The following SLIT3 variants were observed in gnomAD, a reference collection of about 807,000 sequenced individuals.
The protein encoded by SLIT3 is slit homolog 3 protein.
In SLIT3, 68 loss-of-function variants were observed where a neutral mutation model predicts 184.0. The observed-to-expected ratio is 0.37, with a 90% confidence interval of 0.30 to 0.45. The LOEUF (loss-of-function observed/expected upper bound fraction) is 0.45, where lower values mean the gene tolerates loss of function less well. Among genes scored for constraint, SLIT3 ranks in the 20% least tolerant of loss-of-function variants. The pLI, the probability that SLIT3 is intolerant of heterozygous loss-of-function variation, is 1.00. For synonymous variants in SLIT3, 831 were observed against 828.6 expected (o/e 1.00, Z -0.05); for missense variants, 1,707 against 2,026.0 (o/e 0.84, Z 3.02).
chr5:168,784,684 A>G (rs543264043), intron 12 of SLIT3, among the ~76,000 whole-genome samples: 2 of 152,174 alleles, frequency 1.3e-5, no homozygotes, highest in African/African-American at 2.4e-5. Context: ...CTGGGCATCA[A>G]CCACATAAGA....
At chr5:169,102,827 C>T (rs942022957) in intron 4 of SLIT3, among the ~76,000 whole-genome samples, 1 of 152,206 alleles carries the variant, frequency 6.6e-6, no homozygotes, top group Non-Finnish European at 1.5e-5. Flanking sequence ...GAAACATCCT[C>T]ACAGAAGCAC....
intron 1 of SLIT3, among the ~76,000 whole-genome samples, chr5:169,298,977 TTATAGGTA>T (rs1767596939): frequency 1.3e-5 from 2 of 152,196 alleles, no homozygotes; most frequent in African/African-American, 4.8e-5. Context: ...AGTTTACAAG[TTATAGGTA>T]TCTAAAAATA....
chr5:169,115,111 T>A (rs1020308909), intron 4 of SLIT3, among the ~76,000 whole-genome samples: 50 of 152,208 alleles, frequency 3.3e-4, no homozygotes, highest in African/African-American at 1.2e-3. Flanking sequence ...CCCATCCAAC[T>A]CAGCCACTTG....
At chr5:169,016,960 G>A (rs1270626683) in intron 4 of SLIT3, among the ~76,000 whole-genome samples, 1 of 152,170 alleles carries the variant, frequency 6.6e-6, no homozygotes, top group Admixed American at 6.5e-5. Flanking sequence ...CAGAGCAAGA[G>A]TGGGGTTTGA....
intron 4 of SLIT3, among the ~76,000 whole-genome samples, chr5:168,962,462 A>G (rs571882755): frequency 1.3e-5 from 2 of 152,078 alleles, no homozygotes; most frequent in South Asian, 4.1e-4. Flanking sequence ...ATATAACCAG[A>G]CCATGTGTTT....
chr5:168,765,209 T>G (rs958698048), intron 14 of SLIT3, among the ~76,000 whole-genome samples: 11 of 152,216 alleles, frequency 7.2e-5, no homozygotes, highest in African/African-American at 2.2e-4. Flanking sequence ...AAATGCATTT[T>G]CATTTTAATC....
At chr5:168,873,521 C>T (rs1490725035) in intron 5 of SLIT3, among the ~76,000 whole-genome samples, 2 of 151,788 alleles carry the variant, frequency 1.3e-5, no homozygotes, top group African/African-American at 4.8e-5. Flanking sequence ...ATCCTAGCTA[C>T]TTGGGAGGCT....
chr5:169,204,997 G>T (rs1764023091), intron 3 of SLIT3, among the ~76,000 whole-genome samples: 1 of 152,156 alleles, frequency 6.6e-6, no homozygotes, highest in South Asian at 2.1e-4. Flanking sequence ...TTCAGCCAAG[G>T]TTAGGGCGTT....
At chr5:168,694,697 C>T (rs1351802483) in intron 28 of SLIT3, among the ~76,000 whole-genome samples, 1 of 152,190 alleles carries the variant, frequency 6.6e-6, no homozygotes, top group Non-Finnish European at 1.5e-5. Context: ...CAGCTCACTG[C>T]AACCTTCACC....
chr5:168,696,428 G>T lies in SLIT3; in HGVS notation c.2946C>A (p.Cys982Ter). Residue 982 changes from cysteine (C) to a stop codon, truncating the protein, a stop_gained, in exon 28 of 36, where the codon TGC becomes TGA. Transcript: ENST00000519560. LOFTEE classifies it high-confidence loss of function. Reference protein sequence around the residue: ...LSDSHKDGFSCSCPLGFEGQR... With the variant: ...LSDSHKDGFS ...GCCCCTCAAAGCCCAGAGGGCAGGA[G>T]CAGCTTTGGGATGTGAGGGGTGGAG... The T allele has an allele frequency of 6.2e-7, 1 of 1,614,134 alleles. No homozygotes were observed. Among genetic ancestry groups the T allele is most frequent in the South Asian group, 1.1e-5 (1 of 91,078 alleles).
chr5:169,227,991 G>T (rs1191848859), intron 3 of SLIT3, among the ~76,000 whole-genome samples: 1 of 152,152 alleles, frequency 6.6e-6, no homozygotes, highest in East Asian at 1.9e-4. Flanking sequence ...TGATCCTAGA[G>T]AAACATGTCT....
At chr5:169,246,053 C>T (rs1384400490) in intron 2 of SLIT3, among the ~76,000 whole-genome samples, 6 of 152,284 alleles carry the variant, frequency 3.9e-5, no homozygotes, top group East Asian at 3.9e-4. Context: ...GTAACTGTTT[C>T]GTTTGGGCTC....
chr5:168,828,826 C>T (rs1056933370), intron 6 of SLIT3, among the ~76,000 whole-genome samples: 7 of 152,076 alleles, frequency 4.6e-5, no homozygotes, highest in East Asian at 3.9e-4. Context: ...CATGCAAGTT[C>T]GTGTTGGAAA....
chr5:168,703,720 A>G (rs1425619016), intron 26 of SLIT3, among the ~76,000 whole-genome samples: 1 of 152,024 alleles, frequency 6.6e-6, no homozygotes, highest in African/African-American at 2.4e-5. Flanking sequence ...TTGGGAGGCC[A>G]GCGTGGGCGG....
At chr5:168,779,355 G>C (rs748031827) in intron 12 of SLIT3, among the ~76,000 whole-genome samples, 2 of 152,146 alleles carry the variant, frequency 1.3e-5, no homozygotes, top group African/African-American at 4.8e-5. Flanking sequence ...TCAACGCAGC[G>C]GGTGATTTTA....
intron 16 of SLIT3, among the ~76,000 whole-genome samples, chr5:168,754,923 A>C (rs887349898): frequency 1.3e-5 from 2 of 152,232 alleles, no homozygotes; most frequent in African/African-American, 4.8e-5. Flanking sequence ...GGAAGGCAGG[A>C]GAAAAATATA....
At chr5:169,045,156 C>A (rs1757585268) in intron 4 of SLIT3, among the ~76,000 whole-genome samples, 1 of 152,242 alleles carries the variant, frequency 6.6e-6, no homozygotes, top group African/African-American at 2.4e-5. Context: ...CAGAAGACGA[C>A]AATGCATTCC....
chr5:169,058,119 G>A (rs528866905), intron 4 of SLIT3, among the ~76,000 whole-genome samples: 1 of 152,364 alleles, frequency 6.6e-6, no homozygotes, highest in South Asian at 2.1e-4. Flanking sequence ...GGACTGCTGT[G>A]TTCTTGCACG....
At chr5:168,768,419 C>T (rs1290329942) in intron 14 of SLIT3, among the ~76,000 whole-genome samples, 2 of 11,350 alleles carry the variant, frequency 1.8e-4, no homozygotes, top group Non-Finnish European at 2.7e-4. Context: ...GCCCTTGTGC[C>T]CCACCCCAGG....
Sources: gnomAD v4.1 joint callset for allele counts (sites outside exome capture counted in the v4.1 genomes callset) on GRCh38, gnomAD v4.1.1 for gene constraint, MANE v1.5 for transcripts, NCBI Gene and HGNC (gene_info 2026-07-23, HGNC 2026-07-21) for gene names.